Variants in MRAS observed in about 807,000 individuals in gnomAD.
MRAS encodes muscle RAS oncogene homolog.
In MRAS, 4 loss-of-function variants were observed where a neutral mutation model predicts 20.9. That is an observed-to-expected ratio of 0.19 (90% confidence interval 0.09 to 0.44). MRAS has a LOEUF of 0.44. Ranked by LOEUF, MRAS falls within the 20% of genes least tolerant of loss-of-function variation. MRAS has a pLI of 0.99. For synonymous variants in MRAS, 98 were observed against 102.9 expected, an observed-to-expected ratio of 0.95 and a Z score of 0.29; for missense variants, 154 against 277.5, an observed-to-expected ratio of 0.56 and a Z score of 3.16.
rs1172350396 is a variant in MRAS, at chr3:138,404,320, AG to A, written c.*2054del. 1 of 152,220 alleles carries A rather than the reference AG, an allele frequency of 6.6e-6. No individual in the cohort carries two copies. Among genetic ancestry groups the A allele is most frequent in the Non-Finnish European group, 1.5e-5 (1 of 68,064 alleles). The allele number at this position is 152,220 out of a possible 1,614,324, so 9.4% of individuals were successfully genotyped here. On this transcript the variant is annotated 3_prime_UTR_variant, in exon 6 of 6. Coordinates refer to ENST00000423968, the MANE Select transcript of MRAS (RefSeq NM_001085049.3). The stretch of plus-strand genomic sequence containing the variant: ...GAGTAGGAGAAGAAGCCCTGCACAC[AG>A]GGCAGTGTCCACAGCCAGAAAACTC...
chr3:138,355,654 G>A (rs1295500339), intron 1 of MRAS, among the ~76,000 whole-genome samples: 1 of 152,226 alleles, frequency 6.6e-6, no homozygotes, highest in Non-Finnish European at 1.5e-5. Flanking sequence ...CACCAGGCTG[G>A]ATGCAGTGGC....
chr3:138,385,317 T>C (rs1222665306), intron 2 of MRAS, among the ~76,000 whole-genome samples: 1 of 150,390 alleles, frequency 6.6e-6, no homozygotes, highest in Non-Finnish European at 1.5e-5. Context: ...GGCAAATTTT[T>C]GTATTTTTTG....
intron 2 of MRAS, among the ~76,000 whole-genome samples, chr3:138,396,000 C>T (rs750546166): frequency 6.6e-6 from 1 of 152,192 alleles, no homozygotes. Context: ...ACATGGCTGG[C>T]CAGAAGTGTT....
intron 1 of MRAS, among the ~76,000 whole-genome samples, chr3:138,355,307 C>T (rs967670600): frequency 4.6e-5 from 7 of 152,308 alleles, no homozygotes; most frequent in East Asian, 1.9e-4. Flanking sequence ...GACGACAGGA[C>T]GCAGCTTCTC....
At chr3:138,360,273 G>A (rs3816730) in intron 1 of MRAS, among the ~76,000 whole-genome samples, 97,737 of 152,152 alleles carry the variant, frequency 0.64, 31,560 homozygotes, top group Admixed American at 0.75. Flanking sequence ...CCTGTGAGAT[G>A]CAGAGGGATG....
At chr3:138,364,866 G>A (rs2054528697) in intron 1 of MRAS, among the ~76,000 whole-genome samples, 1 of 152,212 alleles carries the variant, frequency 6.6e-6, no homozygotes, top group Non-Finnish European at 1.5e-5. Context: ...TCACCCACAT[G>A]GGCAGCAGTC....
chr3:138,364,940 A>G (rs910595268), intron 1 of MRAS, among the ~76,000 whole-genome samples: 2 of 151,874 alleles, frequency 1.3e-5, no homozygotes, highest in Non-Finnish European at 2.9e-5. Flanking sequence ...TCTTTCCAGC[A>G]CTCCTGGATC....
At chr3:138,377,225 G>A (rs761963985) in intron 2 of MRAS, among the ~76,000 whole-genome samples, 16 of 152,206 alleles carry the variant, frequency 1.1e-4, no homozygotes, top group Admixed American at 3.3e-4. Context: ...GCCCGATTTA[G>A]GGCATTGCCC....
rs140946952 is a variant in MRAS, at chr3:138,356,355, G to A, written c.-19+7588G>A. On this transcript the variant is annotated intron_variant, in intron 1 of 5. Transcript: ENST00000423968. ...CTGACCATTTATGGGGGGTGTTGGC[G>A]GCAGATTCTTGCCTCTCAAAAGCAT... Among the ~76,000 whole-genome samples the A allele has an allele frequency of 8.3e-3, 1,257 of 152,274 alleles. 18 individuals carry two copies. Among genetic ancestry groups the A allele is most frequent in the African/African-American group, 0.029 (1,205 of 41,536 alleles).
In MRAS at chr3:138,362,771, G is replaced by A. The variant is rs561255688; in HGVS notation, c.-18-10095G>A. 1.4e-4 allele frequency among the ~76,000 whole-genome samples: 21 copies of A among 152,156 alleles called. No individual in the cohort carries two copies. In the South Asian group the frequency reaches 2.9e-3, roughly 21 times the overall value. ...TTCATCATGCAGTGCTTATTAAGCA[G>A]CCACTGTGTGGCAGGCACCGTGCGT... On this transcript the variant is annotated intron_variant, in intron 1 of 5. Coordinates refer to ENST00000423968, the MANE Select transcript of MRAS (RefSeq NM_001085049.3).
chr3:138,361,105 A>G (rs1280675768), intron 1 of MRAS, among the ~76,000 whole-genome samples: 2 of 152,338 alleles, frequency 1.3e-5, no homozygotes, highest in East Asian at 3.9e-4. Context: ...CATTCCATAG[A>G]TGGAAGCAAG....
chr3:138,347,706 C>T (rs192702438), upstream of MRAS: 202 of 152,338 alleles, frequency 1.3e-3, no homozygotes, highest in Non-Finnish European at 2.3e-3. Flanking sequence ...GATTCTCCTG[C>T]CTCAGCCTCC....
At chr3:138,348,451 C>CG (rs1474391170), upstream of MRAS, 1 of 152,094 alleles carries the variant, frequency 6.6e-6, no homozygotes, top group Non-Finnish European at 1.5e-5. Context: ...TCCTGGGGGC[C>CG]GGGGTGCACG....
chr3:138,379,930 T>A (rs1232788360), intron 2 of MRAS, among the ~76,000 whole-genome samples: 1 of 152,192 alleles, frequency 6.6e-6, no homozygotes, highest in Admixed American at 6.5e-5. Context: ...GCTATACTAG[T>A]TTATATTCCC....
chr3:138,377,336 G>A (rs921392682), intron 2 of MRAS, among the ~76,000 whole-genome samples: 7 of 152,238 alleles, frequency 4.6e-5, no homozygotes, highest in African/African-American at 1.7e-4. Flanking sequence ...GCCGGGTGCG[G>A]TGGCTCACGC....
chr3:138,365,848 G>C (rs945049037), intron 1 of MRAS, among the ~76,000 whole-genome samples: 2 of 152,238 alleles, frequency 1.3e-5, no homozygotes, highest in South Asian at 2.1e-4. Flanking sequence ...CTCTGGGAAT[G>C]GGGGGGAGCA....
At chr3:138,347,681 C>T (rs1160944220), upstream of MRAS, 1 of 152,218 alleles carries the variant, frequency 6.6e-6, no homozygotes, top group African/African-American at 2.4e-5. Context: ...CAACCTCTGC[C>T]TCCCGGGTTC....
At chr3:138,394,687 C>G (rs2108556599) in intron 2 of MRAS, among the ~76,000 whole-genome samples, 1 of 152,344 alleles carries the variant, frequency 6.6e-6, no homozygotes, top group South Asian at 2.1e-4. Flanking sequence ...GTCCCCCAAA[C>G]CCTGTTTCTC....
At chr3:138,385,495 A>AATAT (rs1001180520) in intron 2 of MRAS, among the ~76,000 whole-genome samples, 6 of 149,136 alleles carry the variant, frequency 4.0e-5, no homozygotes, top group African/African-American at 7.3e-5. Flanking sequence ...TGAGTTTTAA[A>AATAT]ATATATATAT....
Sources: gnomAD v4.1 joint callset for allele counts (sites outside exome capture counted in the v4.1 genomes callset) on GRCh38, gnomAD v4.1.1 for gene constraint, MANE v1.5 for transcripts, NCBI Gene and HGNC (gene_info 2026-07-23, HGNC 2026-07-21) for gene names.